The following SPEN variants were observed in gnomAD, a reference collection of about 807,000 sequenced individuals.
SPEN encodes the protein msx2-interacting protein.
A neutral mutation model predicts 269.9 loss-of-function variants in SPEN; 18 were observed. That is an observed-to-expected ratio of 0.07 (90% confidence interval 0.05 to 0.10). The LOEUF (loss-of-function observed/expected upper bound fraction) is 0.10. Ranked by LOEUF, SPEN falls within the 10% of genes least tolerant of loss-of-function variation. The pLI, the probability that SPEN is intolerant of heterozygous loss-of-function variation, is 1.00. For missense variants in SPEN, 3,822 were observed against 4,631.2 expected (o/e 0.83, Z 5.07); for synonymous variants, 1,726 against 1,765.7 (o/e 0.98, Z 0.56).
intron 1 of SPEN, among the ~76,000 whole-genome samples, chr1:15,854,280 C>T (rs2070364186): frequency 6.6e-6 from 1 of 152,078 alleles, no homozygotes; most frequent in Non-Finnish European, 1.5e-5. Flanking sequence ...CCTTGAAACA[C>T]ATATATTAGC....
chr1:15,857,227 G>A (rs2070396164), intron 1 of SPEN, among the ~76,000 whole-genome samples: 2 of 152,038 alleles, frequency 1.3e-5, no homozygotes, highest in South Asian at 4.1e-4. Context: ...ACCATACTCG[G>A]CTAATTTTTG....
chr1:15,853,442 C>T (rs1009819348), intron 1 of SPEN, among the ~76,000 whole-genome samples: 1 of 151,964 alleles, frequency 6.6e-6, no homozygotes, highest in African/African-American at 2.4e-5. Context: ...CTGCCTTAGC[C>T]TCCCAAAGTG....
intron 3 of SPEN, among the ~76,000 whole-genome samples, chr1:15,889,324 C>T (rs1295753185): frequency 6.6e-6 from 1 of 151,988 alleles, no homozygotes; most frequent in Non-Finnish European, 1.5e-5. Flanking sequence ...TGCCACCACG[C>T]CCAACTAATT....
chr1:15,877,479 T>G (rs2070643508), intron 3 of SPEN, among the ~76,000 whole-genome samples: 1 of 152,186 alleles, frequency 6.6e-6, no homozygotes, highest in Admixed American at 6.5e-5. Context: ...TTGGCCAGGC[T>G]GTTCTTGAAC....
At position 15,929,390 on chromosome 1, in the gene SPEN, A is replaced by G; in HGVS notation, c.3150A>G (p.Lys1050=). 1 of 1,613,162 alleles carries G rather than the reference A, an allele frequency of 6.2e-7. No individual in the cohort carries two copies. Among genetic ancestry groups the G allele is most frequent in the South Asian group, 1.1e-5 (1 of 90,858 alleles). Residue 1050 remains lysine (K), a synonymous_variant, in exon 11 of 15, where the codon AAA becomes AAG. Coordinates refer to ENST00000375759, the MANE Select transcript of SPEN (RefSeq NM_015001.3). The surrounding 1 kb of genome is among the most constrained non-coding windows in gnomAD (Gnocchi z 5.8). ...AAGAAATTCTTAAAAGAGAATCTAA[A>G]AAAATCAAACTGGACAGACTTAATA... ...VRKEILKRES[K]KIKLDRLNTV... is the part of the protein sequence containing the mutation.
intron 5 of SPEN, among the ~76,000 whole-genome samples, chr1:15,912,817 A>G (rs570604722): frequency 6.7e-4 from 102 of 152,158 alleles, no homozygotes; most frequent in Non-Finnish European, 1.4e-3. Flanking sequence ...AGAATGTCAT[A>G]TATGTTTCTA....
At chr1:15,936,325 G>T in intron 11 of SPEN, 59 bp downstream of exon 11, 1 of 1,488,224 alleles carries the variant, frequency 6.7e-7, no homozygotes, top group South Asian at 1.4e-5. Context: ...GGGCTCAGCA[G>T]GCTTTTAAGC....
chr1:15,865,297 C>CCGGCCT (rs1432189031), intron 1 of SPEN, among the ~76,000 whole-genome samples: 1 of 151,852 alleles, frequency 6.6e-6, no homozygotes, highest in African/African-American at 2.4e-5. Flanking sequence ...AGGTGATCTG[C>CCGGCCT]CGGCCTCGGC....
chr1:15,929,158 T>G lies in SPEN; in HGVS notation c.2918T>G (p.Val973Gly), dbSNP rs753003228. ...HLKPEQPADGVSAVDLEKLEA... is the reference protein window; with the variant it reads ...HLKPEQPADGGSAVDLEKLEA... ...AAGCCTGAGCAGCCTGCAGATGGGGTAAGTGCTGTGGATCTGGAGAAGCTG... is the reference window on the plus strand; with the variant it reads ...AAGCCTGAGCAGCCTGCAGATGGGGGAAGTGCTGTGGATCTGGAGAAGCTG... Residue 973 changes from valine to glycine, a missense_variant, in exon 11 of 15, where the codon GTA becomes GGA. Val to Gly is a moderately radical substitution (Grantham distance 109, BLOSUM62 -3). This residue lies in a region of SPEN where 572 missense variants were observed against 582.6 expected (regional missense o/e 0.98). Coordinates refer to ENST00000375759, the MANE Select transcript of SPEN (RefSeq NM_015001.3). The surrounding 1 kb of genome is among the most constrained non-coding windows in gnomAD (Gnocchi z 5.8). The G allele has an allele frequency of 8.4e-5, 135 of 1,613,792 alleles. No individual in the cohort carries two copies. The highest frequency in any genetic ancestry group is 1.1e-4 in the Non-Finnish European group (126 of 1,179,972).
intron 3 of SPEN, among the ~76,000 whole-genome samples, chr1:15,882,134 A>G (rs1388675044): frequency 6.6e-6 from 1 of 152,164 alleles, no homozygotes; most frequent in Non-Finnish European, 1.5e-5. Context: ...CATTTACAGT[A>G]TTTTACTGGT....
At chr1:15,852,859 T>C (rs762972883) in intron 1 of SPEN, among the ~76,000 whole-genome samples, 5 of 152,192 alleles carry the variant, frequency 3.3e-5, no homozygotes, top group Non-Finnish European at 7.3e-5. Context: ...TTGGAGACTA[T>C]ATATTTCTTT....
intron 11 of SPEN, among the ~76,000 whole-genome samples, chr1:15,936,641 T>TAAAAA (rs1570073342): frequency 1.4e-5 from 1 of 69,122 alleles, no homozygotes; most frequent in Admixed American, 2.2e-4. Flanking sequence ...AGACCCAGTC[T>TAAAAA]CAAAAAAAAA....
At chr1:15,903,810 CT>C (rs1351180796) in intron 3 of SPEN, among the ~76,000 whole-genome samples, 2 of 152,122 alleles carry the variant, frequency 1.3e-5, no homozygotes, top group Non-Finnish European at 2.9e-5. Context: ...TAGAATGATA[CT>C]TTTAATTGAT....
At chr1:15,896,396 A>G (rs1472774331) in intron 3 of SPEN, among the ~76,000 whole-genome samples, 2 of 151,634 alleles carry the variant, frequency 1.3e-5, no homozygotes, top group East Asian at 3.9e-4. Context: ...TGGTTTCACT[A>G]TATTGGTCAG....
At position 15,930,675 on chromosome 1, in the gene SPEN, G is replaced by A; in HGVS notation, c.4435G>A (p.Asp1479Asn). 1 of 1,614,036 alleles carries A rather than the reference G, an allele frequency of 6.2e-7. No individual in the cohort carries two copies. Among genetic ancestry groups the A allele is most frequent in the Non-Finnish European group, 8.5e-7 (1 of 1,179,992 alleles). The change falls in exon 11 of 15, where the codon GAT becomes AAT. Residue 1479 changes from aspartate (D) to asparagine (N), a missense_variant. Around this residue, in one of 16 missense-constraint regions of SPEN, gnomAD observed 267 missense variants for 315.5 expected, o/e 0.85. Transcript: ENST00000375759. This position sits in a 1 kb window ranked among gnomAD's most constrained non-coding sequence, Gnocchi z 5.3. Reference sequence around the variant, plus strand: ...ATTTGCAAATTTTCGAAACAACAAAGATAAAGAAAAGGTTGACTCTGCTCC... The same window carrying A: ...ATTTGCAAATTTTCGAAACAACAAAAATAAAGAAAAGGTTGACTCTGCTCC... ...SRFANFRNNK[D>N]KEKVDSAPRP...
At position 15,914,773 on chromosome 1, in the gene SPEN, G is replaced by A. The variant is rs374052338; in HGVS notation, c.1244-1355G>A. On this transcript the variant is annotated intron_variant, in intron 5 of 14. Transcript: ENST00000375759. ...CAGGAGGCAGAGGTTGCAGTGAGCC[G>A]AGATTGCTCCGCTGCACTCCAGCCT... Among the ~76,000 whole-genome samples, 69 of 152,162 alleles carry A rather than the reference G, an allele frequency of 4.5e-4. 1 individual carries two copies. Among genetic ancestry groups the A allele is most frequent in the African/African-American group, 1.2e-3 (49 of 41,520 alleles).
rs149996861 is a variant in SPEN at position 15,886,970 on chromosome 1, C to G, written c.881+10292C>G. Among the ~76,000 whole-genome samples, 437 of 152,236 alleles carry G rather than the reference C, an allele frequency of 2.9e-3. 2 individuals carry two copies. The highest frequency in any genetic ancestry group is 5.1e-3 in the Non-Finnish European group (349 of 68,016). On this transcript the variant is annotated intron_variant, in intron 3 of 14. Coordinates refer to ENST00000375759, the MANE Select transcript of SPEN (RefSeq NM_015001.3). ...ATGATGTCTTGTGGGTTTTAATTTACTCTGGATGATTGATTGGTTGATTTT... is the reference window on the plus strand; with the variant it reads ...ATGATGTCTTGTGGGTTTTAATTTAGTCTGGATGATTGATTGGTTGATTTT...
At chr1:15,850,963 A>G (rs1569957898) in intron 1 of SPEN, among the ~76,000 whole-genome samples, 1 of 152,212 alleles carries the variant, frequency 6.6e-6, no homozygotes, top group South Asian at 2.1e-4. Context: ...AATACATTAT[A>G]TAAAACGTTT....
rs1212173292 is a variant in SPEN at position 15,929,416 on chromosome 1, C to T, written c.3176C>T (p.Thr1059Ile). The T allele has an allele frequency of 1.9e-6, 3 of 1,613,744 alleles. No individual in the cohort carries two copies. In the East Asian group the frequency reaches 6.7e-5, roughly 36 times the overall value. The change falls in exon 11 of 15, where the codon ACT becomes ATT. Residue 1059 changes from threonine to isoleucine, a missense_variant. Transcript: ENST00000375759. The surrounding 1 kb of genome is among the most constrained non-coding windows in gnomAD (Gnocchi z 5.8). ...SKKIKLDRLNTVASPKDCQEL... is the reference protein window; with the variant it reads ...SKKIKLDRLNIVASPKDCQEL... Reference sequence around the variant, plus strand: ...AAAATCAAACTGGACAGACTTAATACTGTTGCCAGCCCCAAAGACTGTCAG... The same window carrying T: ...AAAATCAAACTGGACAGACTTAATATTGTTGCCAGCCCCAAAGACTGTCAG...
Sources: gnomAD v4.1 joint callset for allele counts (sites outside exome capture counted in the v4.1 genomes callset) on GRCh38, gnomAD v4.1.1 for gene constraint, gnomAD v4.1.1 regional missense constraint, Gnocchi (gnomAD v3.1) non-coding constraint, MANE v1.5 for transcripts, NCBI Gene and HGNC (gene_info 2026-07-23, HGNC 2026-07-21) for gene names.